The following LRCH3 variants were observed in gnomAD, a reference collection of about 807,000 sequenced individuals.
LRCH3 encodes leucine rich repeats and calponin homology domain containing 3, also known as DISP complex protein LRCH3.
Under a neutral mutation model 104.5 loss-of-function variants are expected in LRCH3, and 68 were observed. That is an observed-to-expected ratio of 0.65 (90% CI 0.54 to 0.80). The LOEUF (loss-of-function observed/expected upper bound fraction) is 0.80. LRCH3 is among the 30% of genes least tolerant of loss of function. LRCH3 has a pLI of 0.00. For missense variants in LRCH3, 951 were observed against 953.9 expected (o/e 1.00, Z 0.04); for synonymous variants, 344 against 361.3 (o/e 0.95, Z 0.54).
chr3:197,842,172 G>A (rs1423152426), intron 10 of LRCH3, among the ~76,000 whole-genome samples: 2 of 152,066 alleles, frequency 1.3e-5, no homozygotes, highest in Non-Finnish European at 2.9e-5. Flanking sequence ...CCATAGCACA[G>A]TCCTTGGATA....
At chr3:197,834,502 CT>C (rs1736416061) in intron 8 of LRCH3, among the ~76,000 whole-genome samples, 1 of 152,188 alleles carries the variant, frequency 6.6e-6, no homozygotes, top group South Asian at 2.1e-4. Flanking sequence ...GAAACTCTTT[CT>C]TTCTCGAGTC....
intron 1 of LRCH3, among the ~76,000 whole-genome samples, chr3:197,812,904 T>C (rs761376514): frequency 2.8e-4 from 42 of 152,198 alleles, no homozygotes; most frequent in Non-Finnish European, 5.0e-4. Context: ...TGTTGGATTG[T>C]ATGGATCATA....
At chr3:197,855,196 G>A (rs1740086543) in intron 14 of LRCH3, among the ~76,000 whole-genome samples, 1 of 152,208 alleles carries the variant, frequency 6.6e-6, no homozygotes, top group Non-Finnish European at 1.5e-5. Flanking sequence ...GCATGCCTCA[G>A]CATGACATTC....
intron 9 of LRCH3, among the ~76,000 whole-genome samples, chr3:197,836,880 G>A (rs1218129111): frequency 2.0e-5 from 3 of 152,060 alleles, no homozygotes; most frequent in African/African-American, 7.2e-5. Context: ...GTTTCACCAT[G>A]TTGGCCAGGC....
At chr3:197,807,443 G>C (rs756040523) in intron 1 of LRCH3, among the ~76,000 whole-genome samples, 5 of 151,778 alleles carry the variant, frequency 3.3e-5, no homozygotes, top group Admixed American at 6.6e-5. Context: ...GGATAGTCTC[G>C]ATCTCCTGAC....
At chr3:197,822,566 AT>A (rs1011325098) in intron 4 of LRCH3, among the ~76,000 whole-genome samples, 1 of 152,148 alleles carries the variant, frequency 6.6e-6, no homozygotes, top group African/African-American at 2.4e-5. Context: ...AATAGTTTCA[AT>A]TTTTTTAACA....
At chr3:197,837,413 G>A (rs541106894) in intron 9 of LRCH3, among the ~76,000 whole-genome samples, 3 of 152,038 alleles carry the variant, frequency 2.0e-5, no homozygotes, top group Admixed American at 1.3e-4. Context: ...TGCCTGTTAC[G>A]TATGGTAGTC....
chr3:197,836,721 A>T (rs1736850367), intron 9 of LRCH3, among the ~76,000 whole-genome samples: 1 of 152,252 alleles, frequency 6.6e-6, no homozygotes, highest in South Asian at 2.1e-4. Flanking sequence ...TCTGTCGCCC[A>T]GGCTGGTGTG....
intron 20 of LRCH3, 105 bp downstream of exon 20, chr3:197,875,880 C>T (rs749264071): frequency 7.4e-4 from 504 of 683,202 alleles, no homozygotes; most frequent in Non-Finnish European, 7.7e-4. Context: ...TGAGCTAAGT[C>T]GATCATAATT....
At chr3:197,880,448 ATC>A in intron 20 of LRCH3, 1 of 1,216,092 alleles carries the variant, frequency 8.2e-7, no homozygotes, top group Non-Finnish European at 1.2e-6. Context: ...CTATACTCAA[ATC>A]TGCATTTCTG....
intron 1 of LRCH3, among the ~76,000 whole-genome samples, chr3:197,796,831 T>G (rs1731257975): frequency 6.6e-6 from 1 of 152,186 alleles, no homozygotes; most frequent in African/African-American, 2.4e-5. Context: ...ACAAGTTGGT[T>G]TCCTGTAATT....
intron 17 of LRCH3, among the ~76,000 whole-genome samples, chr3:197,866,488 T>G (rs1741497574): frequency 6.6e-6 from 1 of 152,222 alleles, no homozygotes; most frequent in Non-Finnish European, 1.5e-5. Context: ...GAGAATGTTC[T>G]TTGTCTTGGT....
chr3:197,795,686 G>GTTTTTTTTT (rs1167369678), intron 1 of LRCH3, among the ~76,000 whole-genome samples: 21 of 65,804 alleles, frequency 3.2e-4, no homozygotes, highest in Non-Finnish European at 3.5e-4. Flanking sequence ...AAAAGTTGTT[G>GTTTTTTTTT]TTTTTTTTTT....
intron 19 of LRCH3, among the ~76,000 whole-genome samples, 187 bp from the exon 20 acceptor site, chr3:197,875,511 A>T (rs2109547028): frequency 6.6e-6 from 1 of 151,648 alleles, no homozygotes; most frequent in Middle Eastern, 3.4e-3. Context: ...AAAATTGCCC[A>T]GGTGTGATGG....
intron 12 of LRCH3, 177 bp from the exon 13 acceptor site, chr3:197,852,384 T>C (rs1226295469): frequency 9.9e-6 from 6 of 604,960 alleles, no homozygotes; most frequent in Non-Finnish European, 1.8e-5. Context: ...TGTAGATATA[T>C]GTATAGTTTT....
In LRCH3 at chr3:197,854,560, A is replaced by G; in HGVS notation, c.1644+115A>G. 9.9e-7 allele frequency: 1 copy of G among 1,008,814 alleles called. No individual in the cohort carries two copies. Among genetic ancestry groups the G allele is most frequent in the Non-Finnish European group, 1.5e-6 (1 of 648,882 alleles). The allele number at this position is 1,008,814 out of a possible 1,614,324, so 62.5% of individuals were successfully genotyped here. ...GATGAACATCATTACTAAATGCTTT[A>G]TGAAGAACTAAACCATTTTCCCACA... is the stretch of plus-strand genomic sequence containing the variant. On this transcript the variant is annotated intron_variant, in intron 14 of 20. Transcript: ENST00000425562. This position sits in a 1 kb window ranked among gnomAD's most constrained non-coding sequence, Gnocchi z 4.5.
intron 1 of LRCH3, among the ~76,000 whole-genome samples, chr3:197,814,432 C>T (rs1188274519): frequency 6.6e-6 from 1 of 152,198 alleles, no homozygotes; most frequent in Non-Finnish European, 1.5e-5. Flanking sequence ...ACAGGCAAAC[C>T]GTATCACCAG....
chr3:197,856,331 C>T lies in LRCH3; in HGVS notation c.1644+1886C>T, dbSNP rs115272162. On this transcript the variant is annotated intron_variant, in intron 14 of 20. Coordinates refer to ENST00000425562, the MANE Select transcript of LRCH3 (RefSeq NM_001365715.1). The surrounding 1 kb of genome is among the most constrained non-coding windows in gnomAD (Gnocchi z 4.2). The stretch of plus-strand genomic sequence containing the variant: ...TATACATAGTGTATTACTGTTGTCA[C>T]GGTAATTTTTTTATCATGGTAGTTT... Among the ~76,000 whole-genome samples, 250 of 151,510 alleles carry T rather than the reference C, an allele frequency of 1.7e-3. 2 individuals are homozygous for T. The highest frequency in any genetic ancestry group is 8.5e-3 in the East Asian group (44 of 5,184).
chr3:197,842,792 A>G (rs1737998455), intron 10 of LRCH3, among the ~76,000 whole-genome samples: 1 of 152,066 alleles, frequency 6.6e-6, no homozygotes. Flanking sequence ...TTGTTAAAAT[A>G]ATTTTTTATG....
Sources: gnomAD v4.1 joint callset for allele counts (sites outside exome capture counted in the v4.1 genomes callset) on GRCh38, gnomAD v4.1.1 for gene constraint, Gnocchi (gnomAD v3.1) non-coding constraint, MANE v1.5 for transcripts, NCBI Gene and HGNC (gene_info 2026-07-23, HGNC 2026-07-21) for gene names.